The following ADAM12 variants were observed in gnomAD, a reference collection of about 807,000 sequenced individuals.
ADAM12 encodes the protein disintegrin and metalloproteinase domain-containing protein 12.
ADAM12 carries 70 observed loss-of-function variants against 106.4 expected under a neutral mutation model. That is an observed-to-expected ratio of 0.66 (90% CI 0.54 to 0.80). ADAM12 has a LOEUF of 0.80. Ranked by LOEUF, ADAM12 falls within the 30% of genes least tolerant of loss-of-function variation. The pLI is 0.00. For missense variants in ADAM12, 1,010 were observed against 1,171.9 expected (o/e 0.86, Z 2.02); for synonymous variants, 420 against 433.5 (o/e 0.97, Z 0.39).
intron 3 of ADAM12, among the ~76,000 whole-genome samples, chr10:126,201,815 T>C (rs777990452): frequency 1.3e-5 from 2 of 152,016 alleles, no homozygotes; most frequent in Non-Finnish European, 2.9e-5. Flanking sequence ...GTGCTCCCAT[T>C]GATAGAAAGA....
rs150378730 is a variant in ADAM12 at position 126,382,703 on chromosome 10, A to C, written c.88+5355T>G. On this transcript the variant is annotated intron_variant, in intron 1 of 22. Coordinates refer to ENST00000448723, the MANE Select transcript of ADAM12 (RefSeq NM_001288973.2). ...CGTTATTAAATATCAACAGAGAGCC[A>C]AAAATCAGACATTTGAAGAAAGTCA... 2.7e-3 allele frequency among the ~76,000 whole-genome samples: 407 copies of C among 152,350 alleles called. 3 individuals carry two copies. Among genetic ancestry groups the C allele is most frequent in the African/African-American group, 9.5e-3 (397 of 41,586 alleles).
At chr10:126,357,770 T>C (rs1018684772) in intron 1 of ADAM12, among the ~76,000 whole-genome samples, 2 of 152,108 alleles carry the variant, frequency 1.3e-5, no homozygotes, top group African/African-American at 4.8e-5. Flanking sequence ...AACAGCAGCA[T>C]GGGACTAACT....
At chr10:126,323,366 T>C (rs1011540127) in intron 2 of ADAM12, among the ~76,000 whole-genome samples, 14 of 152,198 alleles carry the variant, frequency 9.2e-5, no homozygotes, top group Admixed American at 3.9e-4. Flanking sequence ...GGCACAGAGC[T>C]ACACTTGGGG....
chr10:126,015,964 T>C lies in ADAM12; in HGVS notation c.*1315A>G. The C allele has an allele frequency of 6.6e-6, 1 of 152,176 alleles. No individual in the cohort carries two copies. Among genetic ancestry groups the C allele is most frequent in the East Asian group, 1.9e-4 (1 of 5,158 alleles). 9.4% of individuals were successfully genotyped at this position (152,176 alleles called of 1,614,324 possible). A position where few individuals can be genotyped will look rare whatever the true frequency, so the allele number is the denominator to read the frequency against. ...AGGGGATGCTGCCCAAGCCAGCATC[T>C]CATAATATTTAGGAAGTTGATAAGC... On this transcript the variant is annotated 3_prime_UTR_variant, in exon 23 of 23. Coordinates refer to ENST00000448723, the MANE Select transcript of ADAM12 (RefSeq NM_001288973.2).
intron 18 of ADAM12, chr10:126,041,868 C>T (rs1177425304): frequency 3.0e-6 from 4 of 1,317,234 alleles, no homozygotes; most frequent in Non-Finnish European, 3.9e-6. Flanking sequence ...TGGTAACCTG[C>T]TACTCTCTCA....
intron 1 of ADAM12, among the ~76,000 whole-genome samples, chr10:126,385,610 C>T (rs544964927): frequency 8.6e-4 from 131 of 151,570 alleles, no homozygotes; most frequent in Non-Finnish European, 1.7e-3. Context: ...AAACACTGCA[C>T]GGCAAAACAG....
At chr10:126,329,041 G>A (rs1854410409) in intron 2 of ADAM12, among the ~76,000 whole-genome samples, 1 of 151,892 alleles carries the variant, frequency 6.6e-6, no homozygotes, top group Non-Finnish European at 1.5e-5. Flanking sequence ...TCAGCAGCTT[G>A]TCCCTCCGAT....
chr10:126,162,228 G>A (rs1289512729), intron 3 of ADAM12, among the ~76,000 whole-genome samples: 7 of 152,168 alleles, frequency 4.6e-5, no homozygotes, highest in African/African-American at 7.2e-5. Context: ...AGCCTGGGGA[G>A]GGGGTGCCCA....
At chr10:126,076,297 T>A (rs1028475993) in intron 11 of ADAM12, among the ~76,000 whole-genome samples, 14 of 152,244 alleles carry the variant, frequency 9.2e-5, no homozygotes, top group African/African-American at 3.4e-4. Flanking sequence ...CATACCACGT[T>A]TTCTTTATCC....
chr10:126,328,333 A>G lies in ADAM12; in HGVS notation c.186+2079T>C, dbSNP rs116042571. On this transcript the variant is annotated intron_variant, in intron 2 of 22. Transcript: ENST00000448723. ...GTCTATATTCTGAGGCACAGCAGGC[A>G]CCGTTGTTCTGCAAAAATATTCTTC... 5.9e-3 allele frequency among the ~76,000 whole-genome samples: 892 copies of G among 152,332 alleles called. 7 individuals are homozygous for G. The highest frequency in any genetic ancestry group is 0.021 in the African/African-American group (856 of 41,588).
At chr10:126,246,975 A>C (rs942021757) in intron 3 of ADAM12, among the ~76,000 whole-genome samples, 20 of 152,218 alleles carry the variant, frequency 1.3e-4, no homozygotes, top group African/African-American at 4.8e-4. Flanking sequence ...TTCTATATCT[A>C]TTTCTAGCAA....
rs372120313 is a variant in ADAM12, at chr10:126,119,095, C to A, written c.417-871G>T. 5.3e-5 allele frequency among the ~76,000 whole-genome samples: 8 copies of A among 152,168 alleles called. No homozygotes were observed. The East Asian group carries it at 9.6e-4, about 18-fold the overall frequency. ...TGTGGGAGATGTGTGAATAAAGGAACCCACTTAAGTACACAGAACATTAGC... is the reference window on the plus strand; with the variant it reads ...TGTGGGAGATGTGTGAATAAAGGAAACCACTTAAGTACACAGAACATTAGC... On this transcript the variant is annotated intron_variant, in intron 5 of 22. Transcript: ENST00000448723.
intron 3 of ADAM12, among the ~76,000 whole-genome samples, chr10:126,191,936 A>C (rs1957509421): frequency 6.6e-6 from 1 of 152,212 alleles, no homozygotes; most frequent in South Asian, 2.1e-4. Flanking sequence ...GTGAGGGGGA[A>C]GCAGGCACGT....
intron 1 of ADAM12, among the ~76,000 whole-genome samples, chr10:126,352,002 C>T (rs560920222): frequency 9.6e-4 from 146 of 152,294 alleles, no homozygotes; most frequent in African/African-American, 3.2e-3. Flanking sequence ...TGAAGACCTC[C>T]GGCCTCAAGC....
At chr10:126,288,987 G>A (rs141758193) in intron 2 of ADAM12, among the ~76,000 whole-genome samples, 1 of 150,918 alleles carries the variant, frequency 6.6e-6, no homozygotes, top group Non-Finnish European at 1.5e-5. Flanking sequence ...ATGATGGCTT[G>A]GGGACAGGAC....
chr10:126,122,084 C>T (rs534420712), intron 5 of ADAM12, among the ~76,000 whole-genome samples: 3 of 152,240 alleles, frequency 2.0e-5, no homozygotes, highest in South Asian at 2.1e-4. Context: ...TTTGAAGAAC[C>T]GTAACACTTA....
intron 10 of ADAM12, among the ~76,000 whole-genome samples, chr10:126,098,071 C>T (rs1219733752): frequency 6.6e-6 from 1 of 152,190 alleles, no homozygotes; most frequent in Non-Finnish European, 1.5e-5. Context: ...ACAGGGCGTC[C>T]CAACAGCTGC....
chr10:126,062,871 C>T (rs546307880), intron 14 of ADAM12, among the ~76,000 whole-genome samples: 13 of 152,334 alleles, frequency 8.5e-5, no homozygotes, highest in Admixed American at 3.3e-4. Context: ...GGGACGGGGA[C>T]GGCACTAGGG....
chr10:126,246,426 A>T (rs1430328164), intron 3 of ADAM12, among the ~76,000 whole-genome samples: 1 of 152,226 alleles, frequency 6.6e-6, no homozygotes, highest in Non-Finnish European at 1.5e-5. Context: ...GCAGAGACAC[A>T]ACAAAAAAAG....
Sources: allele counts gnomAD v4.1 joint callset (sites outside exome capture counted in the v4.1 genomes callset), GRCh38; gene constraint gnomAD v4.1.1; transcripts MANE v1.5; gene names NCBI Gene and HGNC (gene_info 2026-07-23, HGNC 2026-07-21).